The following CCDC18 variants were observed in gnomAD, a reference collection of about 807,000 sequenced individuals.
CCDC18 encodes coiled-coil domain containing 18.
A neutral mutation model predicts 196.0 loss-of-function variants in CCDC18; 157 were observed. The ratio of observed to expected loss-of-function variants is 0.80; its 90% CI spans 0.70 to 0.91. The LOEUF (loss-of-function observed/expected upper bound fraction) is 0.91. CCDC18 is among the 40% of genes least tolerant of loss of function. The pLI is 0.00. For synonymous variants in CCDC18, 482 were observed against 529.2 expected, an observed-to-expected ratio of 0.91 and a Z score of 1.22; for missense variants, 1,465 against 1,611.6, an observed-to-expected ratio of 0.91 and a Z score of 1.56.
chr1:93,268,245 C>T (rs1295725564), intron 27 of CCDC18, among the ~76,000 whole-genome samples: 1 of 152,212 alleles, frequency 6.6e-6, no homozygotes, highest in Non-Finnish European at 1.5e-5. Flanking sequence ...GAAACTGGAT[C>T]CCTTCCTTAC....
upstream of CCDC18, chr1:93,180,614 G>A: frequency 7.4e-7 from 1 of 1,346,366 alleles, no homozygotes; most frequent in Non-Finnish European, 9.8e-7. Context: ...GCTCGGGCGC[G>A]CTCGCCGACC....
At chr1:93,190,910 G>T (rs1571345461) in intron 4 of CCDC18, 3 of 751,190 alleles carry the variant, frequency 4.0e-6, no homozygotes, top group Non-Finnish European at 7.2e-6. Flanking sequence ...TACTTAGTCT[G>T]CCCACCATAA....
In CCDC18 at chr1:93,239,338, AAAG is replaced by A. The variant is rs754894069; in HGVS notation, c.2637_2639del (p.Glu880del). Reference sequence around the variant, plus strand: ...AGTAAAGATTGAGATGGATCAGTACAAAGAAGAGCTGTCTAAAATGGAAAAGGA... The same window carrying A: ...AGTAAAGATTGAGATGGATCAGTACAAAGAGCTGTCTAAAATGGAAAAGGA... On this transcript the variant is annotated inframe_deletion, in exon 20 of 29. Transcript: ENST00000690025. 3.7e-6 allele frequency: 6 copies of A among 1,612,680 alleles called. No homozygotes were observed. The Admixed American group carries it at 8.4e-5, about 22-fold the overall frequency.
In CCDC18 at chr1:93,180,750, C is replaced by A. The variant is rs1464474949; in HGVS notation, c.-105C>A. 1.5e-6 allele frequency: 2 copies of A among 1,366,966 alleles called. No individual in the cohort carries two copies. The highest frequency in any genetic ancestry group is 2.0e-6 in the Non-Finnish European group (2 of 1,021,564). 84.7% of individuals were successfully genotyped at this position (1,366,966 alleles called of 1,614,324 possible). On this transcript the variant is annotated 5_prime_UTR_variant, in exon 1 of 29. Coordinates refer to ENST00000690025, the MANE Select transcript of CCDC18 (RefSeq NM_001378204.1). ...GTTCGAATTCTGTGCTGCCGGGGTT[C>A]GCTGGTTCTCCGAGTTGTGTCCGAG...
intron 23 of CCDC18, among the ~76,000 whole-genome samples, chr1:93,248,376 A>G (rs1661779805): frequency 6.6e-6 from 1 of 152,022 alleles, no homozygotes; most frequent in African/African-American, 2.4e-5. Flanking sequence ...GTTGAATTTT[A>G]TCTGATGCTT....
intron 19 of CCDC18, among the ~76,000 whole-genome samples, chr1:93,238,702 T>C (rs1272649732): frequency 6.6e-6 from 1 of 152,188 alleles, no homozygotes; most frequent in Non-Finnish European, 1.5e-5. Context: ...GTAGGGGAGC[T>C]GCCGTATTAG....
intron 18 of CCDC18, 142 bp from the exon 19 acceptor site, chr1:93,236,106 G>A (rs1660040220): frequency 1.5e-6 from 1 of 664,442 alleles, no homozygotes; most frequent in African/African-American, 1.9e-5. Context: ...AGTAAGCCTT[G>A]CTTTTTATAT....
intron 16 of CCDC18, among the ~76,000 whole-genome samples, chr1:93,224,668 G>C (rs940327195): frequency 6.6e-6 from 1 of 152,194 alleles, no homozygotes; most frequent in South Asian, 2.1e-4. Context: ...CATTTTCATT[G>C]ATAATTAGCA....
rs576006923 is a variant in CCDC18 at position 93,218,571 on chromosome 1, G to A, written c.1962+702G>A. ...GTCGGCCAGGCTGGAGTGCAATGGTGTGATCTCAGCTCACTGCAGTCTCCG... is the reference window on the plus strand; with the variant it reads ...GTCGGCCAGGCTGGAGTGCAATGGTATGATCTCAGCTCACTGCAGTCTCCG... On this transcript the variant is annotated intron_variant, in intron 14 of 28. Transcript: ENST00000690025. 2.6e-4 allele frequency among the ~76,000 whole-genome samples: 40 copies of A among 151,782 alleles called. 1 individual carries two copies. Among genetic ancestry groups the A allele is most frequent in the Admixed American group, 1.4e-3 (21 of 15,258 alleles).
intron 24 of CCDC18, among the ~76,000 whole-genome samples, chr1:93,255,800 G>A (rs187645521): frequency 2.0e-4 from 31 of 151,688 alleles, no homozygotes; most frequent in African/African-American, 6.8e-4. Context: ...AGAAGGAGGG[G>A]GGAGGGATAG....
At chr1:93,276,502 C>G (rs1665628171) in intron 28 of CCDC18, among the ~76,000 whole-genome samples, 1 of 151,976 alleles carries the variant, frequency 6.6e-6, no homozygotes, top group East Asian at 1.9e-4. Flanking sequence ...TTCTATTTCT[C>G]TTATTTGTAA....
At chr1:93,275,727 A>C (rs1665586064) in intron 28 of CCDC18, among the ~76,000 whole-genome samples, 1 of 152,138 alleles carries the variant, frequency 6.6e-6, no homozygotes, top group South Asian at 2.1e-4. Context: ...AAGCAGGAGC[A>C]TAGGGGACTA....
intron 6 of CCDC18, among the ~76,000 whole-genome samples, chr1:93,200,727 G>T (rs1458242930): frequency 6.6e-6 from 1 of 152,168 alleles, no homozygotes; most frequent in African/African-American, 2.4e-5. Flanking sequence ...ACGTGATTGG[G>T]AGTACATGGT....
intron 27 of CCDC18, 183 bp downstream of exon 27, chr1:93,265,084 G>T (rs528787131): frequency 3.9e-6 from 2 of 519,142 alleles, no homozygotes; most frequent in Non-Finnish European, 3.5e-6. Flanking sequence ...TCTTATTACC[G>T]TAGAAGATAT....
chr1:93,250,361 T>A (rs1662064494), intron 23 of CCDC18, among the ~76,000 whole-genome samples: 2 of 120,970 alleles, frequency 1.7e-5, no homozygotes, highest in African/African-American at 3.4e-5. Flanking sequence ...AGCCTGGGCA[T>A]CAGAGTGAGA....
chr1:93,223,387 A>G (rs1657763900), intron 16 of CCDC18, among the ~76,000 whole-genome samples: 1 of 152,360 alleles, frequency 6.6e-6, no homozygotes, highest in South Asian at 2.1e-4. Context: ...GATTCTACAC[A>G]TAAGTTATTT....
intron 17 of CCDC18, among the ~76,000 whole-genome samples, chr1:93,229,756 T>C (rs1354988751): frequency 6.6e-6 from 1 of 152,258 alleles, no homozygotes; most frequent in African/African-American, 2.4e-5. Context: ...TCTGAATTTT[T>C]GGAAGATATT....
intron 18 of CCDC18, among the ~76,000 whole-genome samples, chr1:93,234,943 G>GTGTGTGTGTGTA (rs1473122411): frequency 6.9e-6 from 1 of 145,530 alleles, no homozygotes; most frequent in Non-Finnish European, 1.5e-5. Context: ...AAGAGTGTGT[G>GTGTGTGTGTGTA]TGTGTGTGTG....
rs181903233 is a variant in CCDC18, at chr1:93,246,171, G to C, written c.3048G>C (p.Glu1016Asp). The change falls in exon 22 of 29, where the codon GAG becomes GAC. Residue 1016 changes from glutamate (E) to aspartate (D), a missense_variant. Glu to Asp is a conservative substitution (Grantham distance 45). Coordinates refer to ENST00000690025, the MANE Select transcript of CCDC18 (RefSeq NM_001378204.1). The stretch of plus-strand genomic sequence containing the variant: ...TTGAAATGGATCAGGCACTTAAAGA[G>C]AGAAATTGGGAACTAAAGCAAAGAG... ...ELLEMDQALK[E>D]RNWELKQRAA... 1.2e-6 allele frequency: 2 copies of C among 1,605,268 alleles called. No homozygotes were observed. Among genetic ancestry groups the C allele is most frequent in the East Asian group, 2.3e-5 (1 of 44,274 alleles).
Sources: gnomAD v4.1 joint callset for allele counts (sites outside exome capture counted in the v4.1 genomes callset) on GRCh38, gnomAD v4.1.1 for gene constraint, MANE v1.5 for transcripts, NCBI Gene and HGNC (gene_info 2026-07-23, HGNC 2026-07-21) for gene names.